Variants in TFEC observed in about 807,000 individuals in gnomAD.
TFEC encodes the protein class E basic helix-loop-helix protein 34.
In TFEC, 31 loss-of-function variants were observed where a neutral mutation model predicts 41.6. The observed-to-expected ratio is 0.74, with a 90% confidence interval of 0.56 to 1.01. The LOEUF (loss-of-function observed/expected upper bound fraction) is 1.01. TFEC is among the 50% of genes least tolerant of loss of function. TFEC has a pLI of 0.00. For synonymous variants in TFEC, 143 were observed against 140.6 expected, an observed-to-expected ratio of 1.02 and a Z score of -0.12; for missense variants, 402 against 404.1, an observed-to-expected ratio of 0.99 and a Z score of 0.04.
At chr7:116,086,647 A>C (rs1797209914) in intron 3 of TFEC, among the ~76,000 whole-genome samples, 1 of 151,864 alleles carries the variant, frequency 6.6e-6, no homozygotes, top group South Asian at 2.1e-4. Flanking sequence ...GCAAATGCAA[A>C]GTGACAATAT....
At chr7:116,088,070 T>G (rs76034679) in intron 3 of TFEC, among the ~76,000 whole-genome samples, 3,665 of 152,214 alleles carry the variant, frequency 0.024, 151 homozygotes, top group African/African-American at 0.083. Context: ...GCTGTCATGA[T>G]TCTCATGATC....
At chr7:116,005,799 A>G (rs956622994) in intron 1 of TFEC, among the ~76,000 whole-genome samples, 2 of 152,192 alleles carry the variant, frequency 1.3e-5, no homozygotes, top group African/African-American at 4.8e-5. Flanking sequence ...CTCTACTATC[A>G]CAAGCTCAGA....
intron 3 of TFEC, among the ~76,000 whole-genome samples, chr7:116,074,971 T>C (rs934480482): frequency 2.0e-5 from 3 of 152,114 alleles, no homozygotes; most frequent in African/African-American, 7.2e-5. Context: ...ATACATGACA[T>C]CCTATGGCTA....
chr7:116,005,410 G>C lies in TFEC; in HGVS notation c.-72-20897C>G, dbSNP rs746129139. Among the ~76,000 whole-genome samples the C allele has an allele frequency of 3.3e-5, 5 of 152,294 alleles. No individual in the cohort carries two copies. The East Asian group carries it at 5.8e-4, about 18-fold the overall frequency. ...GGTCTCAGAGGGAGATGAGGAACTT[G>C]TTGGGAACTGGAGCAAAGGCAACTC... On this transcript the variant is annotated intron_variant, in intron 1 of 7. Transcript: ENST00000265440.
intron 5 of TFEC, among the ~76,000 whole-genome samples, chr7:115,951,748 T>C (rs879662297): frequency 6.6e-6 from 1 of 152,074 alleles, no homozygotes; most frequent in Non-Finnish European, 1.5e-5. Context: ...AAACTGCTGA[T>C]ATAAGCTCTT....
At chr7:116,124,697 C>T (rs1798175472) in intron 1 of TFEC, among the ~76,000 whole-genome samples, 2 of 152,042 alleles carry the variant, frequency 1.3e-5, no homozygotes, top group African/African-American at 4.8e-5. Context: ...TAAGGGGTAG[C>T]AACTGACTCT....
chr7:116,085,100 G>T (rs1032741744), intron 3 of TFEC, among the ~76,000 whole-genome samples: 1 of 151,810 alleles, frequency 6.6e-6, no homozygotes, highest in African/African-American at 2.4e-5. Flanking sequence ...AAAGAGCAGG[G>T]CAGAAGGAAC....
At chr7:116,106,179 A>G (rs546439119) in intron 3 of TFEC, among the ~76,000 whole-genome samples, 2 of 152,276 alleles carry the variant, frequency 1.3e-5, no homozygotes, top group Middle Eastern at 3.4e-3. Flanking sequence ...TAAATACTCT[A>G]AAAACTGTCT....
intron 1 of TFEC, among the ~76,000 whole-genome samples, chr7:116,133,432 C>G (rs1199481079): frequency 6.6e-6 from 1 of 151,848 alleles, no homozygotes; most frequent in Non-Finnish European, 1.5e-5. Context: ...TGCCAGTATT[C>G]CCAGCTACAC....
chr7:116,072,597 C>T (rs538167731), intron 3 of TFEC, among the ~76,000 whole-genome samples: 2 of 151,628 alleles, frequency 1.3e-5, no homozygotes, highest in South Asian at 2.1e-4. Context: ...CTTAAAGATA[C>T]ATATTATTTA....
intron 1 of TFEC, among the ~76,000 whole-genome samples, chr7:116,026,177 C>T (rs1296687286): frequency 2.6e-5 from 4 of 152,214 alleles, no homozygotes; most frequent in Admixed American, 2.6e-4. Context: ...TTATTTCACA[C>T]AATGGTTCCA....
chr7:116,002,711 T>G (rs1794644289), intron 1 of TFEC, among the ~76,000 whole-genome samples: 1 of 152,104 alleles, frequency 6.6e-6, no homozygotes, highest in South Asian at 2.1e-4. Context: ...ATACTTGAGG[T>G]GATAGATACC....
At chr7:115,965,679 G>T (rs1258524224) in intron 3 of TFEC, among the ~76,000 whole-genome samples, 1 of 151,566 alleles carries the variant, frequency 6.6e-6, no homozygotes, top group Non-Finnish European at 1.5e-5. Flanking sequence ...CTTTGTCTTT[G>T]TTTAAAATCA....
intron 3 of TFEC, among the ~76,000 whole-genome samples, chr7:116,072,281 T>C (rs1796848421): frequency 6.6e-6 from 1 of 151,582 alleles, no homozygotes; most frequent in Admixed American, 6.6e-5. Context: ...TCTGAATGCC[T>C]TTTTATTTTT....
At chr7:116,050,020 G>T (rs1796269017) in intron 3 of TFEC, among the ~76,000 whole-genome samples, 1 of 152,130 alleles carries the variant, frequency 6.6e-6, no homozygotes, top group African/African-American at 2.4e-5. Flanking sequence ...GCCCACAAGA[G>T]AAAGCAGGAA....
At chr7:116,062,436 A>C (rs1796585821) in intron 3 of TFEC, among the ~76,000 whole-genome samples, 1 of 149,306 alleles carries the variant, frequency 6.7e-6, no homozygotes, top group South Asian at 2.1e-4. Context: ...CCCACTTATG[A>C]GTGAGAAAAT....
chr7:116,014,030 T>C (rs1795100216), intron 1 of TFEC, among the ~76,000 whole-genome samples: 1 of 152,150 alleles, frequency 6.6e-6, no homozygotes. Flanking sequence ...CCCTAGATTA[T>C]GTAATAAATA....
intron 3 of TFEC, among the ~76,000 whole-genome samples, chr7:116,101,194 C>T (rs1290668961): frequency 7.1e-6 from 1 of 140,302 alleles, no homozygotes; most frequent in Non-Finnish European, 1.5e-5. Flanking sequence ...TCATGCCCCC[C>T]CCCAAAAAAA....
At chr7:116,089,355 G>C (rs1268643809) in intron 3 of TFEC, among the ~76,000 whole-genome samples, 1 of 152,016 alleles carries the variant, frequency 6.6e-6, no homozygotes, top group Non-Finnish European at 1.5e-5. Flanking sequence ...TTTAGTGGAA[G>C]AATGACAAAA....
Sources: allele counts gnomAD v4.1 joint callset (sites outside exome capture counted in the v4.1 genomes callset), GRCh38; gene constraint gnomAD v4.1.1; transcripts MANE v1.5; gene names NCBI Gene and HGNC (gene_info 2026-07-23, HGNC 2026-07-21).